The following LDAH variants were observed in gnomAD, a reference collection of about 807,000 sequenced individuals.
LDAH encodes lipid droplet associated hydrolase, also known as lipid droplet-associated hydrolase.
Under a neutral mutation model 29.6 loss-of-function variants are expected in LDAH, and 26 were observed. The ratio of observed to expected loss-of-function variants is 0.88; its 90% CI spans 0.64 to 1.22. The LOEUF (loss-of-function observed/expected upper bound fraction) is 1.22. Among genes scored for constraint, LDAH ranks in the 50% most tolerant of loss-of-function variants. The probability of loss-of-function intolerance (pLI) is 0.00; values close to 1 mark genes in which losing one functional copy is unlikely to be tolerated. For missense variants in LDAH, 344 were observed against 387.3 expected (o/e 0.89, Z 0.94); for synonymous variants, 117 against 133.0 (o/e 0.88, Z 0.83).
chr2:20,723,889 T>C (rs1558413864), intron 5 of LDAH, among the ~76,000 whole-genome samples: 1 of 152,182 alleles, frequency 6.6e-6, no homozygotes, highest in Admixed American at 6.5e-5. Flanking sequence ...TGGAAGAATG[T>C]TAATTCTTTA....
At chr2:20,749,487 C>T (rs1667807522) in intron 4 of LDAH, among the ~76,000 whole-genome samples, 1 of 152,162 alleles carries the variant, frequency 6.6e-6, no homozygotes, top group African/African-American at 2.4e-5. Flanking sequence ...GACAGGGTTT[C>T]AGGCCAAGGA....
At chr2:20,822,797 T>C (rs893191029) in intron 1 of LDAH, among the ~76,000 whole-genome samples, 2 of 152,196 alleles carry the variant, frequency 1.3e-5, no homozygotes, top group East Asian at 3.9e-4. Flanking sequence ...GTTCAAATGC[T>C]GCATTACCGC....
At chr2:20,740,569 A>G (rs1446251869) in intron 4 of LDAH, among the ~76,000 whole-genome samples, 1 of 152,128 alleles carries the variant, frequency 6.6e-6, no homozygotes, top group Non-Finnish European at 1.5e-5. Context: ...TTGGCCTCCC[A>G]AAGTGCTGGG....
At chr2:20,778,859 T>A (rs2125032966) in intron 3 of LDAH, among the ~76,000 whole-genome samples, 1 of 152,236 alleles carries the variant, frequency 6.6e-6, no homozygotes, top group South Asian at 2.1e-4. Flanking sequence ...AATGTATACA[T>A]TTAACTATGT....
chr2:20,798,530 C>A (rs72784378), intron 2 of LDAH, among the ~76,000 whole-genome samples: 1 of 150,318 alleles, frequency 6.7e-6, no homozygotes, highest in East Asian at 1.9e-4. Context: ...GAAATGCATG[C>A]GCAATTCCCT....
chr2:20,748,429 T>C (rs887743930), intron 4 of LDAH, among the ~76,000 whole-genome samples: 4 of 152,252 alleles, frequency 2.6e-5, no homozygotes, highest in African/African-American at 7.2e-5. Flanking sequence ...TATCTTCCTA[T>C]AGCCCATTCT....
chr2:20,687,949 A>G (rs545001840), intron 6 of LDAH, among the ~76,000 whole-genome samples: 1 of 152,278 alleles, frequency 6.6e-6, no homozygotes, highest in Non-Finnish European at 1.5e-5. Flanking sequence ...TCACTGAAAG[A>G]CAGAGCTATG....
In LDAH at chr2:20,685,470, T is replaced by C; in HGVS notation, c.*1433A>G. On this transcript the variant is annotated 3_prime_UTR_variant, in exon 7 of 7. Transcript: ENST00000237822. ...CTAACAGCACTCCTTGTCTGGAGCTTGGCTTTTCCCCTCTGAGAAGTCACT... is the reference window on the plus strand; with the variant it reads ...CTAACAGCACTCCTTGTCTGGAGCTCGGCTTTTCCCCTCTGAGAAGTCACT... The C allele has an allele frequency of 6.6e-7, 1 of 1,515,004 alleles. No individual in the cohort carries two copies. The highest frequency in any genetic ancestry group is 8.9e-7 in the Non-Finnish European group (1 of 1,129,896). The allele number at this position is 1,515,004 out of a possible 1,614,324, so 93.8% of individuals were successfully genotyped here. A position where few individuals can be genotyped will look rare whatever the true frequency, so the allele number is the denominator to read the frequency against.
intron 3 of LDAH, among the ~76,000 whole-genome samples, chr2:20,785,331 GGTAA>G (rs1298947655): frequency 2.0e-5 from 3 of 152,130 alleles, no homozygotes; most frequent in African/African-American, 4.8e-5. Flanking sequence ...GAGAAATCCA[GGTAA>G]GTGTTATTTT....
intron 1 of LDAH, among the ~76,000 whole-genome samples, chr2:20,805,361 G>A (rs764733959): frequency 4.5e-4 from 68 of 152,092 alleles, no homozygotes; most frequent in Admixed American, 6.5e-4. Flanking sequence ...ATAAAGCATC[G>A]TTTATTTTAC....
intron 5 of LDAH, among the ~76,000 whole-genome samples, chr2:20,719,166 G>A (rs1200875249): frequency 7.6e-6 from 1 of 132,088 alleles, no homozygotes; most frequent in Non-Finnish European, 1.7e-5. Context: ...ATAAAGATCA[G>A]AACAGAAATA....
At chr2:20,734,016 C>T (rs1666606071) in intron 5 of LDAH, among the ~76,000 whole-genome samples, 1 of 152,058 alleles carries the variant, frequency 6.6e-6, no homozygotes, top group Admixed American at 6.6e-5. Context: ...TCAATGATAT[C>T]AACATGTTGA....
At chr2:20,759,429 C>T (rs890099541) in intron 4 of LDAH, among the ~76,000 whole-genome samples, 5 of 152,134 alleles carry the variant, frequency 3.3e-5, no homozygotes, top group African/African-American at 4.8e-5. Flanking sequence ...AAGCATCTTT[C>T]ATTTAGTGCC....
intron 3 of LDAH, among the ~76,000 whole-genome samples, chr2:20,778,050 C>G (rs1347519267): frequency 6.6e-6 from 1 of 152,112 alleles, no homozygotes; most frequent in African/African-American, 2.4e-5. Flanking sequence ...TGGTGGATGA[C>G]AATCCAATCC....
intron 1 of LDAH, among the ~76,000 whole-genome samples, chr2:20,807,896 T>C (rs900832870): frequency 6.6e-6 from 1 of 150,552 alleles, no homozygotes; most frequent in Middle Eastern, 3.4e-3. Context: ...AGGAAGAAAG[T>C]GTGATTATTC....
chr2:20,814,991 T>G (rs573158834), intron 1 of LDAH, among the ~76,000 whole-genome samples: 1 of 152,226 alleles, frequency 6.6e-6, no homozygotes. Flanking sequence ...GTTTAAAATC[T>G]TGAGTAACAT....
At chr2:20,693,814 G>C (rs1041574076) in intron 6 of LDAH, among the ~76,000 whole-genome samples, 1 of 152,256 alleles carries the variant, frequency 6.6e-6, no homozygotes, top group Non-Finnish European at 1.5e-5. Context: ...AGCAATGCAA[G>C]GCTTTCTGTT....
intron 5 of LDAH, among the ~76,000 whole-genome samples, chr2:20,716,530 G>A (rs1389613052): frequency 3.8e-5 from 5 of 130,002 alleles, no homozygotes. Flanking sequence ...TGAACAATGA[G>A]AACACTTGGA....
intron 1 of LDAH, among the ~76,000 whole-genome samples, chr2:20,818,747 C>T (rs1673036831): frequency 6.6e-6 from 1 of 152,056 alleles, no homozygotes. Flanking sequence ...ATACCTATTC[C>T]AATATTTCCC....
Sources: allele counts gnomAD v4.1 joint callset (sites outside exome capture counted in the v4.1 genomes callset), GRCh38; gene constraint gnomAD v4.1.1; transcripts MANE v1.5; gene names NCBI Gene and HGNC (gene_info 2026-07-23, HGNC 2026-07-21).